EEF1AKMT1: variants seen among roughly 807,000 people sequenced by gnomAD.
EEF1AKMT1 encodes the protein EEF1A lysine methyltransferase 1.
EEF1AKMT1 carries 18 observed loss-of-function variants against 21.0 expected under a neutral mutation model. The ratio of observed to expected loss-of-function variants is 0.86; its 90% CI spans 0.59 to 1.27. The LOEUF is 1.27. Ranked by LOEUF, EEF1AKMT1 falls within the 50% of genes most tolerant of loss-of-function variation. EEF1AKMT1 has a pLI of 0.00. For synonymous variants in EEF1AKMT1, 109 were observed against 94.8 expected, an observed-to-expected ratio of 1.15 and a Z score of -0.87; for missense variants, 246 against 258.6, an observed-to-expected ratio of 0.95 and a Z score of 0.33.
At position 20,732,091 on chromosome 13, in the gene EEF1AKMT1, G is replaced by A. The variant is rs759024636; in HGVS notation, c.258C>T (p.Tyr86=). ...RIACVSAPSV[Y]QKLRELCREN... ...CTCTGCACAGCTCTCTGAGTTTCTG[G>A]TAAACACTAGGGGCACTCACACATG... is the stretch of plus-strand genomic sequence containing the variant. The change falls in exon 4 of 5, where the codon TAC becomes TAT. Residue 86 remains tyrosine, a synonymous_variant. Transcript: ENST00000382758. 1.9e-6 allele frequency: 3 copies of A among 1,613,486 alleles called. No homozygotes were observed. In the African/African-American group the frequency reaches 4.0e-5, roughly 22 times the overall value.
chr13:20,759,805 T>C (rs965991680), intron 1 of EEF1AKMT1, among the ~76,000 whole-genome samples: 4 of 151,852 alleles, frequency 2.6e-5, no homozygotes, highest in South Asian at 2.1e-4. Flanking sequence ...ATGGCTATTA[T>C]TAAAAAGTCA....
chr13:20,739,385 C>T (rs558009457), intron 2 of EEF1AKMT1, among the ~76,000 whole-genome samples: 2 of 152,324 alleles, frequency 1.3e-5, no homozygotes, highest in East Asian at 3.9e-4. Context: ...GCTTTTATTC[C>T]CTTATCTGAC....
intron 3 of EEF1AKMT1, among the ~76,000 whole-genome samples, chr13:20,732,724 A>G (rs1452553230): frequency 6.6e-6 from 1 of 152,258 alleles, no homozygotes; most frequent in Non-Finnish European, 1.5e-5. Context: ...ATTTAGATGT[A>G]GTTAGCCCAA....
At chr13:20,763,764 T>C (rs1158494457) in intron 1 of EEF1AKMT1, among the ~76,000 whole-genome samples, 2 of 152,180 alleles carry the variant, frequency 1.3e-5, no homozygotes, top group African/African-American at 4.8e-5. Flanking sequence ...GAAAATTTCT[T>C]GTATGAGAGG....
At chr13:20,765,086 C>A (rs2059021108) in intron 1 of EEF1AKMT1, among the ~76,000 whole-genome samples, 1 of 151,806 alleles carries the variant, frequency 6.6e-6, no homozygotes, top group South Asian at 2.1e-4. Flanking sequence ...ATAACGAAAC[C>A]CCGTCTCTAC....
At chr13:20,762,697 A>G (rs1177605898) in intron 1 of EEF1AKMT1, among the ~76,000 whole-genome samples, 1 of 151,612 alleles carries the variant, frequency 6.6e-6, no homozygotes, top group Non-Finnish European at 1.5e-5. Flanking sequence ...TATTTTTTGT[A>G]GAGATGGGGT....
intron 2 of EEF1AKMT1, among the ~76,000 whole-genome samples, chr13:20,746,362 A>G (rs1007825777): frequency 6.6e-6 from 1 of 152,174 alleles, no homozygotes; most frequent in Admixed American, 6.5e-5. Flanking sequence ...CATGTTGGTC[A>G]GGCTGGTCTC....
At position 20,773,223 on chromosome 13, in the gene EEF1AKMT1, G is replaced by A. The variant is rs73435294; in HGVS notation, c.-20+698C>T. ...ACAATGAAATGCAGGTCGTACGTGT[G>A]CAGTGCGACGTTGTGATGTACGCCC... On this transcript the variant is annotated intron_variant, in intron 1 of 4. Transcript: ENST00000382758. 7.8e-3 allele frequency among the ~76,000 whole-genome samples: 1,194 copies of A among 152,226 alleles called. 20 individuals are homozygous for A. The highest frequency in any genetic ancestry group is 0.027 in the African/African-American group (1,119 of 41,506).
chr13:20,760,607 G>C (rs923341616), intron 1 of EEF1AKMT1, among the ~76,000 whole-genome samples: 1 of 152,050 alleles, frequency 6.6e-6, no homozygotes, highest in South Asian at 2.1e-4. Flanking sequence ...TCAATATTGG[G>C]TGATGGGTTC....
intron 3 of EEF1AKMT1, among the ~76,000 whole-genome samples, chr13:20,733,393 C>T (rs879896302): frequency 2.0e-5 from 3 of 152,062 alleles, no homozygotes; most frequent in South Asian, 2.1e-4. Context: ...CGTGCCTGGC[C>T]ACTAATTATT....
rs530045405 is a variant in EEF1AKMT1, at chr13:20,763,643, G to A, written c.-19-6026C>T. Among the ~76,000 whole-genome samples the A allele has an allele frequency of 3.3e-5, 5 of 152,098 alleles. No homozygotes were observed. In the South Asian group the frequency reaches 1.0e-3, roughly 32 times the overall value. On this transcript the variant is annotated intron_variant, in intron 1 of 4. Transcript: ENST00000382758. ...AATTTTTGCATTTTTAGTAGAGATG[G>A]AGTTTCACCATGTTGGCCAGGCCAG...
intron 2 of EEF1AKMT1, among the ~76,000 whole-genome samples, chr13:20,753,278 G>A (rs1566534980): frequency 6.6e-6 from 1 of 151,930 alleles, no homozygotes; most frequent in Non-Finnish European, 1.5e-5. Context: ...TAGTTTTATT[G>A]TGTTATGACC....
At chr13:20,730,299 G>T (rs1238756391) in intron 4 of EEF1AKMT1, among the ~76,000 whole-genome samples, 2 of 152,176 alleles carry the variant, frequency 1.3e-5, no homozygotes, top group Admixed American at 6.5e-5. Context: ...CGAACAGAGC[G>T]CCCCTTCCCA....
Position 20,729,037 on chromosome 13 carries a change from G to A in EEF1AKMT1, c.*43C>T, listed in dbSNP as rs771426025. 2 of 1,610,516 alleles carry A rather than the reference G, an allele frequency of 1.2e-6. No homozygotes were observed. Among genetic ancestry groups the A allele is most frequent in the Non-Finnish European group, 1.7e-6 (2 of 1,177,056 alleles). ...ATCTACTACGAAAATACAAAAAGAG[G>A]AATGTGACAGGGTTCCTTCCTGTGT... On this transcript the variant is annotated 3_prime_UTR_variant, in exon 5 of 5. Coordinates refer to ENST00000382758, the MANE Select transcript of EEF1AKMT1 (RefSeq NM_001318939.2).
chr13:20,761,092 A>G (rs2058999284), intron 1 of EEF1AKMT1, among the ~76,000 whole-genome samples: 1 of 152,232 alleles, frequency 6.6e-6, no homozygotes, highest in South Asian at 2.1e-4. Flanking sequence ...CCAGTTTTAC[A>G]CACATTTATT....
intron 2 of EEF1AKMT1, among the ~76,000 whole-genome samples, chr13:20,740,829 A>G (rs1398926375): frequency 6.6e-6 from 1 of 151,462 alleles, no homozygotes; most frequent in African/African-American, 2.4e-5. Flanking sequence ...TGACTTCTAC[A>G]CTTTTAAAAG....
At chr13:20,751,512 T>A (rs1365570044) in intron 2 of EEF1AKMT1, among the ~76,000 whole-genome samples, 1 of 152,192 alleles carries the variant, frequency 6.6e-6, no homozygotes, top group East Asian at 1.9e-4. Flanking sequence ...GTTCCATTGG[T>A]CTATGTGTCT....
chr13:20,764,812 C>T lies in EEF1AKMT1; in HGVS notation c.-19-7195G>A, dbSNP rs1234759936. Among the ~76,000 whole-genome samples the T allele has an allele frequency of 4.1e-5, 6 of 147,278 alleles. No individual in the cohort carries two copies. In the Admixed American group the frequency reaches 4.1e-4, roughly 10 times the overall value. ...CTTATAAGTCTACTTTACCTGCTAT[C>T]AATAAAAGTGCTCATGCTTTTAAAA... is the stretch of plus-strand genomic sequence containing the variant. On this transcript the variant is annotated intron_variant, in intron 1 of 4. Coordinates refer to ENST00000382758, the MANE Select transcript of EEF1AKMT1 (RefSeq NM_001318939.2).
At chr13:20,738,525 T>C (rs1168095049) in intron 2 of EEF1AKMT1, among the ~76,000 whole-genome samples, 4 of 152,190 alleles carry the variant, frequency 2.6e-5, no homozygotes, top group African/African-American at 9.7e-5. Context: ...GCCAGTTGCA[T>C]GGGGCATGCC....
Sources: allele counts gnomAD v4.1 joint callset (sites outside exome capture counted in the v4.1 genomes callset), GRCh38; gene constraint gnomAD v4.1.1; transcripts MANE v1.5; gene names NCBI Gene and HGNC (gene_info 2026-07-23, HGNC 2026-07-21).